The following GRIN2A variants were observed in gnomAD, a reference collection of about 807,000 sequenced individuals.
GRIN2A encodes the protein glutamate receptor ionotropic, NMDA 2A.
In GRIN2A, 22 loss-of-function variants were observed where a neutral mutation model predicts 113.4. That is an observed-to-expected ratio of 0.19 (90% CI 0.14 to 0.28). The LOEUF (loss-of-function observed/expected upper bound fraction) is 0.28. GRIN2A is among the 10% of genes least tolerant of loss of function. GRIN2A has a pLI of 1.00. For synonymous variants in GRIN2A, 827 were observed against 738.4 expected, an observed-to-expected ratio of 1.12 and a Z score of -1.94; for missense variants, 1,502 against 1,887.0, an observed-to-expected ratio of 0.80 and a Z score of 3.78.
intron 2 of GRIN2A, among the ~76,000 whole-genome samples, chr16:10,107,691 T>C (rs1264079795): frequency 6.6e-6 from 1 of 152,196 alleles, no homozygotes; most frequent in Non-Finnish European, 1.5e-5. Flanking sequence ...AGAAGATTCC[T>C]GAAAGGGAAA....
chr16:10,008,557 A>G (rs1596411294), intron 2 of GRIN2A, among the ~76,000 whole-genome samples: 1 of 152,168 alleles, frequency 6.6e-6, no homozygotes, highest in Non-Finnish European at 1.5e-5. Flanking sequence ...CAATAAACCA[A>G]CTAGGCAATG....
intron 2 of GRIN2A, among the ~76,000 whole-genome samples, chr16:10,128,811 A>C (rs960883901): frequency 6.6e-6 from 1 of 152,352 alleles, no homozygotes; most frequent in Non-Finnish European, 1.5e-5. Context: ...ATTTTAATTC[A>C]ACAAAAGGCA....
At chr16:10,149,136 C>A (rs149119630) in intron 2 of GRIN2A, among the ~76,000 whole-genome samples, 1 of 152,010 alleles carries the variant, frequency 6.6e-6, no homozygotes, top group South Asian at 2.1e-4. Flanking sequence ...ATAGAAAGAA[C>A]GAATAAGATA....
At chr16:10,034,300 T>C (rs1253483189) in intron 2 of GRIN2A, among the ~76,000 whole-genome samples, 1 of 151,928 alleles carries the variant, frequency 6.6e-6, no homozygotes, top group Non-Finnish European at 1.5e-5. Context: ...TGAGGAAGGC[T>C]GATCACTTGA....
intron 2 of GRIN2A, among the ~76,000 whole-genome samples, chr16:10,065,848 AG>A (rs886911492): frequency 3.9e-5 from 6 of 151,982 alleles, no homozygotes; most frequent in Non-Finnish European, 5.9e-5. Flanking sequence ...AAACATTGGG[AG>A]GGGGGGCGCT....
At chr16:9,768,702 TATGA>T (rs1488923380) in intron 12 of GRIN2A, 145 bp downstream of exon 12, 1 of 758,798 alleles carries the variant, frequency 1.3e-6, no homozygotes, top group Admixed American at 1.8e-5. Flanking sequence ...ACACCTGGCT[TATGA>T]ATGCACAAAA....
At chr16:10,160,157 G>A (rs2142321930) in intron 2 of GRIN2A, among the ~76,000 whole-genome samples, 1 of 152,336 alleles carries the variant, frequency 6.6e-6, no homozygotes, top group Middle Eastern at 3.4e-3. Flanking sequence ...TACAGCAGCT[G>A]TAGTAAACTA....
chr16:9,898,282 A>G (rs1195860401), intron 3 of GRIN2A, among the ~76,000 whole-genome samples: 1 of 152,072 alleles, frequency 6.6e-6, no homozygotes, highest in Non-Finnish European at 1.5e-5. Flanking sequence ...TACAAATGCA[A>G]TGCTTTTTAA....
intron 3 of GRIN2A, among the ~76,000 whole-genome samples, chr16:9,915,453 TC>T (rs2141564760): frequency 6.6e-6 from 1 of 152,338 alleles, no homozygotes; most frequent in South Asian, 2.1e-4. Context: ...CAAGTATTTT[TC>T]TGTGAAAGCA....
At chr16:10,039,836 GA>G (rs2047117968) in intron 2 of GRIN2A, among the ~76,000 whole-genome samples, 1 of 85,418 alleles carries the variant, frequency 1.2e-5, no homozygotes. Flanking sequence ...AGAGAGAGAG[GA>G]GTCCTGGTCC....
At chr16:9,967,147 A>T (rs913370653) in intron 2 of GRIN2A, among the ~76,000 whole-genome samples, 3 of 152,216 alleles carry the variant, frequency 2.0e-5, no homozygotes, top group African/African-American at 7.2e-5. Flanking sequence ...CTGTGGTAAT[A>T]AAGAATATGA....
intron 3 of GRIN2A, among the ~76,000 whole-genome samples, chr16:9,913,263 T>C (rs760113133): frequency 6.6e-6 from 1 of 152,232 alleles, no homozygotes; most frequent in Non-Finnish European, 1.5e-5. Flanking sequence ...CTTATGAGTC[T>C]CCTCTAGGGA....
chr16:9,819,277 T>G (rs556891560), intron 10 of GRIN2A, among the ~76,000 whole-genome samples: 1 of 152,280 alleles, frequency 6.6e-6, no homozygotes, highest in East Asian at 1.9e-4. Flanking sequence ...CCCAGCACTT[T>G]GAGAGGCTGA....
intron 2 of GRIN2A, among the ~76,000 whole-genome samples, chr16:9,985,091 A>T: frequency 6.6e-6 from 1 of 150,480 alleles, no homozygotes; most frequent in Non-Finnish European, 1.5e-5. Context: ...ACTCTGCCAG[A>T]AACTAAACTA....
chr16:10,149,808 A>C (rs1482441992), intron 2 of GRIN2A, among the ~76,000 whole-genome samples: 3 of 152,244 alleles, frequency 2.0e-5, no homozygotes, highest in African/African-American at 7.2e-5. Context: ...GACATAAATA[A>C]AGTTAGGTCA....
chr16:9,939,570 A>G (rs2044808696), intron 2 of GRIN2A, among the ~76,000 whole-genome samples: 1 of 152,210 alleles, frequency 6.6e-6, no homozygotes, highest in Non-Finnish European at 1.5e-5. Context: ...ATACAGTGGT[A>G]CAATATACAA....
At chr16:10,013,491 C>T (rs559605512) in intron 2 of GRIN2A, among the ~76,000 whole-genome samples, 58 of 152,346 alleles carry the variant, frequency 3.8e-4, no homozygotes, top group African/African-American at 1.2e-3. Flanking sequence ...CTACTCTTCC[C>T]TGCGGGACAG....
intron 2 of GRIN2A, among the ~76,000 whole-genome samples, chr16:9,994,501 C>T (rs369252706): frequency 3.3e-5 from 5 of 152,266 alleles, no homozygotes; most frequent in African/African-American, 9.6e-5. Context: ...TGAGGATTGA[C>T]GTCCCCGAGA....
At chr16:10,029,725 A>G (rs2046893187) in intron 2 of GRIN2A, among the ~76,000 whole-genome samples, 1 of 151,812 alleles carries the variant, frequency 6.6e-6, no homozygotes. Flanking sequence ...ACCTGGCACA[A>G]TGCTCACGCC....
Sources: allele counts gnomAD v4.1 joint callset (sites outside exome capture counted in the v4.1 genomes callset), GRCh38; gene constraint gnomAD v4.1.1; transcripts MANE v1.5; gene names NCBI Gene and HGNC (gene_info 2026-07-23, HGNC 2026-07-21).